DNAH2: variants seen among roughly 807,000 people sequenced by gnomAD.
DNAH2 encodes the protein axonemal beta dynein heavy chain 2.
DNAH2 carries 323 observed loss-of-function variants against 523.5 expected under a neutral mutation model. The ratio of observed to expected loss-of-function variants is 0.62; its 90% CI spans 0.56 to 0.68. DNAH2 has a LOEUF of 0.68. Ranked by LOEUF, DNAH2 falls within the 30% of genes least tolerant of loss-of-function variation. The pLI is 0.00. For missense variants in DNAH2, 4,907 were observed against 5,701.5 expected (o/e 0.86, Z 4.49); for synonymous variants, 2,093 against 2,177.4 (o/e 0.96, Z 1.08).
At chr17:7,787,151 G>A (rs2076763025) in intron 42 of DNAH2, 118 bp downstream of exon 42, 2 of 1,311,958 alleles carry the variant, frequency 1.5e-6, no homozygotes, top group Non-Finnish European at 2.1e-6. Context: ...GGAGAGAGCT[G>A]AAAGGTGGAT....
chr17:7,793,334 C>G, intron 48 of DNAH2, 129 bp downstream of exon 48: 1 of 930,612 alleles, frequency 1.1e-6, no homozygotes, highest in Non-Finnish European at 1.6e-6. Flanking sequence ...GCGTCCTTCT[C>G]CATGACAGCA....
chr17:7,741,696 C>T (rs955328787), intron 11 of DNAH2, among the ~76,000 whole-genome samples: 1 of 140,540 alleles, frequency 7.1e-6, no homozygotes, highest in Non-Finnish European at 1.5e-5. Flanking sequence ...TGGAGTTTTG[C>T]TCTTGTTGCC....
chr17:7,768,091 G>C lies in DNAH2; in HGVS notation c.3837+30G>C, dbSNP rs371066482. On this transcript the variant is annotated intron_variant, in intron 23 of 85. Transcript: ENST00000572933. ...GGAGAAACGGCGGGGAGGCGGAAGA[G>C]AAGCTGGTGGAGGATCTGGGTCTGT... 1.2e-5 allele frequency: 19 copies of C among 1,614,022 alleles called. No homozygotes were observed. The African/African-American group carries it at 2.5e-4, about 22-fold the overall frequency.
chr17:7,727,015 C>T (rs2074834189), intron 3 of DNAH2, 107 bp from the exon 4 acceptor site: 2 of 1,249,512 alleles, frequency 1.6e-6, no homozygotes, highest in South Asian at 3.6e-5. Flanking sequence ...CATTCTGAAC[C>T]TGTCTGGCTT....
At chr17:7,793,522 TTCTC>T (rs879365126) in intron 48 of DNAH2, among the ~76,000 whole-genome samples, 81 of 128,054 alleles carry the variant, frequency 6.3e-4, no homozygotes, top group African/African-American at 1.1e-3. Context: ...TTTCTTCTCT[TTCTC>T]TTTCTTTCTT....
chr17:7,799,998 T>C (rs576343725), intron 56 of DNAH2, among the ~76,000 whole-genome samples: 1 of 152,234 alleles, frequency 6.6e-6, no homozygotes, highest in African/African-American at 2.4e-5. Context: ...AGCTGCTGTC[T>C]CTTGAGTCTG....
chr17:7,786,520 A>G lies in DNAH2; in HGVS notation c.6349-50A>G, dbSNP rs1170917067. The stretch of plus-strand genomic sequence containing the variant: ...ACCTAAGAGGGGTCTGGAAATAAAG[A>G]GGGGTTTTTGTCCATCAGCAGCTAA... On this transcript the variant is annotated intron_variant, in intron 40 of 85. Transcript: ENST00000572933. The surrounding 1 kb of genome is among the most constrained non-coding windows in gnomAD (Gnocchi z 7.5). The G allele has an allele frequency of 6.4e-7, 1 of 1,553,342 alleles. No individual in the cohort carries two copies. The highest frequency in any genetic ancestry group is 1.4e-5 in the African/African-American group (1 of 73,672).
At chr17:7,743,611 A>C (rs1489806817) in intron 12 of DNAH2, 7 of 512,854 alleles carry the variant, frequency 1.4e-5, no homozygotes, top group African/African-American at 3.9e-5. Context: ...GGCTGCAGTG[A>C]GCTGAGATCA....
chr17:7,737,391 GCT>G, intron 8 of DNAH2, 133 bp downstream of exon 8: 3 of 959,980 alleles, frequency 3.1e-6, no homozygotes, highest in Non-Finnish European at 4.6e-6. Context: ...CAGAGACTGA[GCT>G]CAGAAGGCTT....
chr17:7,758,993 A>G lies in DNAH2; in HGVS notation c.2317A>G (p.Arg773Gly). The G allele has an allele frequency of 6.2e-7, 1 of 1,614,232 alleles. No homozygotes were observed. The change falls in exon 15 of 86, where the codon AGG becomes GGG. Residue 773 changes from arginine to glycine, a missense_variant. Coordinates refer to ENST00000572933, the MANE Select transcript of DNAH2 (RefSeq NM_020877.5). Reference protein sequence around the residue: ...LVRISGKRVYRDLEFEEDQRE... With the variant: ...LVRISGKRVYGDLEFEEDQRE... ...ACGCATTAGTGGCAAACGGGTATAC[A>G]GGGACCTGGAATTTGAAGAGGACCA...
chr17:7,806,798 G>T (rs915089046), intron 61 of DNAH2, among the ~76,000 whole-genome samples: 4 of 152,004 alleles, frequency 2.6e-5, no homozygotes, highest in Non-Finnish European at 5.9e-5. Flanking sequence ...GGTTTACTCT[G>T]CTCTGGGTTC....
chr17:7,833,025 C>G (rs2078231163), intron 84 of DNAH2, 46 bp from the exon 85 acceptor site: 3 of 1,612,840 alleles, frequency 1.9e-6, no homozygotes, highest in Non-Finnish European at 2.5e-6. Flanking sequence ...GGGGCGCTGG[C>G]AATTGAAGTC....
Position 7,833,515 on chromosome 17 carries a change from C to T in DNAH2, c.13266C>T (p.Leu4422=). ...GGATCAAGAGGGGCACTGCTCTACT[C>T]ATGAGCCTGGACAGCTGAGACCTCC... ...DHWIKRGTAL[L]MSLDS The change falls in exon 86 of 86, where the codon CTC becomes CTT. Residue 4422 remains leucine, a synonymous_variant. Coordinates refer to ENST00000572933, the MANE Select transcript of DNAH2 (RefSeq NM_020877.5). The T allele has an allele frequency of 1.9e-6, 3 of 1,614,018 alleles. No homozygotes were observed. The highest frequency in any genetic ancestry group is 3.3e-5 in the Admixed American group (2 of 60,030).
chr17:7,818,362 A>G lies in DNAH2; in HGVS notation c.10438A>G (p.Asn3480Asp), dbSNP rs763586875. 4 of 1,614,110 alleles carry G rather than the reference A, an allele frequency of 2.5e-6. No homozygotes were observed. The highest frequency in any genetic ancestry group is 3.4e-6 in the Non-Finnish European group (4 of 1,180,022). ...CGATAAGGAGGTGGAATATAATACC[A>G]ATTTCCGTTTCTACATCACCACCAA... ...IGDKEVEYNTNFRFYITTKLS... is the reference protein window; with the variant it reads ...IGDKEVEYNTDFRFYITTKLS... Residue 3480 changes from asparagine to aspartate, a missense_variant, in exon 69 of 86, where the codon AAT (asparagine) becomes GAT (aspartate). Asn to Asp is a conservative substitution (Grantham distance 23). Coordinates refer to ENST00000572933, the MANE Select transcript of DNAH2 (RefSeq NM_020877.5).
chr17:7,742,860 CAG>C, intron 11 of DNAH2, 66 bp from the exon 12 acceptor site: 2 of 1,217,050 alleles, frequency 1.6e-6, no homozygotes, highest in Middle Eastern at 2.9e-4. Context: ...GTGTAGGTCT[CAG>C]GGAGATGGTG....
chr17:7,787,733 C>CT, intron 42 of DNAH2, 127 bp from the exon 43 acceptor site: 4 of 1,081,236 alleles, frequency 3.7e-6, no homozygotes, highest in Non-Finnish European at 5.0e-6. Flanking sequence ...GAGACTTTGT[C>CT]TTAAAAAAAA....
Position 7,823,453 on chromosome 17 carries a change from G to A in DNAH2, c.11154G>A (p.Arg3718=), listed in dbSNP as rs1424744765. 1.9e-6 allele frequency: 3 copies of A among 1,613,498 alleles called. No individual in the cohort carries two copies. The highest frequency in any genetic ancestry group is 2.5e-6 in the Non-Finnish European group (3 of 1,179,926). Residue 3718 remains arginine (R), a synonymous_variant, in exon 74 of 86, where the codon CGG becomes CGA. Transcript: ENST00000572933. ...FFLRGGVVLD[R]EGQMDNPCSS... ...CCTTCTCCCACCAGGTCTTGGATCGGGAGGGCCAAATGGACAATCCATGTA... is the reference window on the plus strand; with the variant it reads ...CCTTCTCCCACCAGGTCTTGGATCGAGAGGGCCAAATGGACAATCCATGTA...
intron 61 of DNAH2, among the ~76,000 whole-genome samples, chr17:7,806,910 G>A (rs998111293): frequency 6.6e-6 from 1 of 152,108 alleles, no homozygotes; most frequent in Non-Finnish European, 1.5e-5. Flanking sequence ...TGGCTTGGCT[G>A]AGTGTTCAAG....
In DNAH2 at chr17:7,792,246, C is replaced by G. The variant is rs2076918355; in HGVS notation, c.7054-6C>G. On this transcript the variant is annotated splice_region_variant and splice_polypyrimidine_tract_variant and intron_variant, in intron 45 of 85. Transcript: ENST00000572933. ...TTTGGTAACCTGACCTACATGCCCTCCTTAGGACACGGTATATGAGTATTT... is the reference window on the plus strand; with the variant it reads ...TTTGGTAACCTGACCTACATGCCCTGCTTAGGACACGGTATATGAGTATTT... The G allele has an allele frequency of 3.7e-6, 6 of 1,613,786 alleles. No individual in the cohort carries two copies.
Sources: allele counts gnomAD v4.1 joint callset (sites outside exome capture counted in the v4.1 genomes callset), GRCh38; gene constraint gnomAD v4.1.1; non-coding constraint Gnocchi (gnomAD v3.1); transcripts MANE v1.5; gene names NCBI Gene and HGNC (gene_info 2026-07-23, HGNC 2026-07-21).